ALDH1A2: variants seen among roughly 807,000 people sequenced by gnomAD.
ALDH1A2 encodes the protein aldehyde dehydrogenase 1 family member A2, also known as retinal dehydrogenase 2.
ALDH1A2 carries 27 observed loss-of-function variants against 60.3 expected under a neutral mutation model. That is an observed-to-expected ratio of 0.45 (90% confidence interval 0.33 to 0.62). The LOEUF (loss-of-function observed/expected upper bound fraction) is 0.62. ALDH1A2 is among the 20% of genes least tolerant of loss of function. The pLI is 0.02. For synonymous variants in ALDH1A2, 289 were observed against 232.4 expected (o/e 1.24, Z -2.21); for missense variants, 581 against 643.8 (o/e 0.90, Z 1.06).
chr15:57,966,574 AC>A (rs1893903890), intron 7 of ALDH1A2, among the ~76,000 whole-genome samples: 1 of 152,190 alleles, frequency 6.6e-6, no homozygotes, highest in African/African-American at 2.4e-5. Context: ...TGCAGCTGTC[AC>A]CTCCTTCAGG....
At chr15:58,029,194 T>C (rs538248393) in intron 1 of ALDH1A2, among the ~76,000 whole-genome samples, 3 of 152,180 alleles carry the variant, frequency 2.0e-5, no homozygotes, top group African/African-American at 7.2e-5. Context: ...CAACAAACTG[T>C]CTCTCAGACC....
chr15:57,958,761 A>T (rs1329432000), intron 12 of ALDH1A2, among the ~76,000 whole-genome samples: 1 of 152,212 alleles, frequency 6.6e-6, no homozygotes, highest in Non-Finnish European at 1.5e-5. Flanking sequence ...TATTTGAAGC[A>T]TTTTCTGTCA....
intron 1 of ALDH1A2, among the ~76,000 whole-genome samples, chr15:58,043,365 T>G (rs1168401747): frequency 2.0e-5 from 3 of 151,976 alleles, no homozygotes; most frequent in Non-Finnish European, 1.5e-5. Flanking sequence ...GTTCTAATAT[T>G]CTGTACATCT....
At chr15:57,976,141 C>A (rs186250315) in intron 7 of ALDH1A2, among the ~76,000 whole-genome samples, 2 of 152,100 alleles carry the variant, frequency 1.3e-5, no homozygotes, top group Non-Finnish European at 2.9e-5. Flanking sequence ...AAGGAAACTA[C>A]GTAACATTTT....
At chr15:58,015,100 T>G (rs1339951210) in intron 1 of ALDH1A2, among the ~76,000 whole-genome samples, 1 of 152,168 alleles carries the variant, frequency 6.6e-6, no homozygotes, top group Admixed American at 6.5e-5. Flanking sequence ...AAACCTAAAC[T>G]AATATTTTTA....
intron 1 of ALDH1A2, among the ~76,000 whole-genome samples, chr15:58,031,318 A>G (rs1595678543): frequency 6.6e-6 from 1 of 152,230 alleles, no homozygotes; most frequent in African/African-American, 2.4e-5. Flanking sequence ...TCACATGCAG[A>G]AAGCTGACAC....
chr15:58,047,936 G>C (rs1409357855), intron 1 of ALDH1A2, among the ~76,000 whole-genome samples: 6 of 152,040 alleles, frequency 3.9e-5, no homozygotes, highest in African/African-American at 1.4e-4. Flanking sequence ...GCTTTGTTCA[G>C]TAAGTGTAAT....
In ALDH1A2 at chr15:58,030,496, C is replaced by T. The variant is rs112523753; in HGVS notation, c.118-16215G>A. 6.6e-5 allele frequency among the ~76,000 whole-genome samples: 10 copies of T among 152,254 alleles called. 1 individual carries two copies. The highest frequency in any genetic ancestry group is 2.2e-4 in the African/African-American group (9 of 41,552). On this transcript the variant is annotated intron_variant, in intron 1 of 12. Coordinates refer to ENST00000249750, the MANE Select transcript of ALDH1A2 (RefSeq NM_003888.4). ...AACTGGCACAAGACAAGGATGCCCT[C>T]CCTCACCACTCCTCTTCAGCATAGT...
chr15:58,000,267 C>A (rs1486619085), intron 4 of ALDH1A2, among the ~76,000 whole-genome samples: 1 of 151,870 alleles, frequency 6.6e-6, no homozygotes, highest in Non-Finnish European at 1.5e-5. Context: ...TGAAAGGTGA[C>A]ACCCCTAGTC....
intron 1 of ALDH1A2, among the ~76,000 whole-genome samples, chr15:58,055,993 T>C (rs948104322): frequency 6.6e-6 from 1 of 152,116 alleles, no homozygotes; most frequent in East Asian, 1.9e-4. Flanking sequence ...CATCAATTTA[T>C]CTTGACCCTT....
chr15:57,983,068 T>C (rs1460994158), intron 7 of ALDH1A2, among the ~76,000 whole-genome samples: 1 of 152,128 alleles, frequency 6.6e-6, no homozygotes, highest in Admixed American at 6.5e-5. Context: ...CTTCTAAGGA[T>C]AGACACTGAA....
intron 7 of ALDH1A2, among the ~76,000 whole-genome samples, chr15:57,981,426 C>T (rs1363304653): frequency 2.0e-5 from 3 of 151,898 alleles, no homozygotes; most frequent in African/African-American, 4.8e-5. Context: ...CAGAGGAGAG[C>T]AGAATGTAGT....
intron 1 of ALDH1A2, among the ~76,000 whole-genome samples, chr15:58,060,386 T>G (rs1478542764): frequency 1.3e-5 from 2 of 151,884 alleles, no homozygotes; most frequent in African/African-American, 4.8e-5. Flanking sequence ...CCCCATAAAG[T>G]AGATACTATT....
At chr15:58,011,107 C>A (rs892190330) in intron 3 of ALDH1A2, among the ~76,000 whole-genome samples, 5 of 151,404 alleles carry the variant, frequency 3.3e-5, no homozygotes, top group African/African-American at 1.2e-4. Flanking sequence ...TCAGAGCTCA[C>A]TGGGGATTTT....
At chr15:58,065,376 C>G (rs531834628) in intron 1 of ALDH1A2, 158 bp downstream of exon 1, 1 of 754,716 alleles carries the variant, frequency 1.3e-6, no homozygotes, top group South Asian at 1.4e-5. Flanking sequence ...GCCCCAGTCC[C>G]GAAGACAGGC....
intron 7 of ALDH1A2, among the ~76,000 whole-genome samples, chr15:57,987,245 C>G (rs1255217478): frequency 7.0e-6 from 1 of 142,376 alleles, no homozygotes; most frequent in Non-Finnish European, 1.5e-5. Flanking sequence ...AAGTAGAAAG[C>G]AAAAAAAAAA....
At chr15:58,045,400 A>G (rs1415428020) in intron 1 of ALDH1A2, among the ~76,000 whole-genome samples, 1 of 152,112 alleles carries the variant, frequency 6.6e-6, no homozygotes, top group East Asian at 1.9e-4. Flanking sequence ...CTGGGTATAT[A>G]CCCAAAGGAT....
At chr15:58,055,649 T>G (rs1255857546) in intron 1 of ALDH1A2, among the ~76,000 whole-genome samples, 1 of 152,050 alleles carries the variant, frequency 6.6e-6, no homozygotes, top group Non-Finnish European at 1.5e-5. Context: ...AGTTTTAAGG[T>G]TGGAGAATTT....
chr15:58,013,912 TC>T lies in ALDH1A2; in HGVS notation c.308del (p.Gly103AspfsTer24). The T allele has an allele frequency of 6.2e-7, 1 of 1,614,096 alleles. No individual in the cohort carries two copies. Among genetic ancestry groups the T allele is most frequent in the Non-Finnish European group, 8.5e-7 (1 of 1,180,010 alleles). On this transcript the variant is annotated frameshift_variant, in exon 3 of 13. Coordinates refer to ENST00000249750, the MANE Select transcript of ALDH1A2 (RefSeq NM_003888.4). LOFTEE classifies it high-confidence loss of function. ...AGTCTGCAAGCTTATCCAACAGACG[TC>T]CCCTTTCTGAAGCATCCATCCTTCT... ...VWRRMDASER[G>X]RLLDKLADLV...
Sources: gnomAD v4.1 joint callset for allele counts (sites outside exome capture counted in the v4.1 genomes callset) on GRCh38, gnomAD v4.1.1 for gene constraint, MANE v1.5 for transcripts, NCBI Gene and HGNC (gene_info 2026-07-23, HGNC 2026-07-21) for gene names.